The following ZNF175 variants were observed in gnomAD, a reference collection of about 807,000 sequenced individuals.
ZNF175 encodes zinc finger protein 175, also known as zinc finger protein OTK18.
Under a neutral mutation model 14.0 loss-of-function variants are expected in ZNF175, and 8 were observed. The ratio of observed to expected loss-of-function variants is 0.57; its 90% CI spans 0.34 to 1.03. The LOEUF (loss-of-function observed/expected upper bound fraction) is 1.03, where lower values mean the gene tolerates loss of function less well. Among genes scored for constraint, ZNF175 ranks in the 50% least tolerant of loss-of-function variants. The probability of loss-of-function intolerance (pLI) is 0.03; values close to 1 mark genes in which losing one functional copy is unlikely to be tolerated. For missense variants in ZNF175, 764 were observed against 849.5 expected (o/e 0.90, Z 1.25); for synonymous variants, 255 against 296.8 (o/e 0.86, Z 1.45).
rs761666697 is a variant in ZNF175, at chr19:51,573,281, A to T, written c.-49A>T. The T allele has an allele frequency of 1.8e-5, 28 of 1,596,356 alleles. No individual in the cohort carries two copies. In the South Asian group the frequency reaches 3.0e-4, roughly 17 times the overall value. On this transcript the variant is annotated 5_prime_UTR_variant, in exon 2 of 5. Transcript: ENST00000262259. ...CTATCCAGCTTCTGGCTCCTGGGAA[A>T]AGTGGAGTTGTCAGCAAGAGAGACC...
intron 2 of ZNF175, among the ~76,000 whole-genome samples, chr19:51,578,706 G>T (rs1008593129): frequency 6.6e-6 from 1 of 152,214 alleles, no homozygotes; most frequent in African/African-American, 2.4e-5. Context: ...GGTCGAGGCT[G>T]CAGTGAGCTG....
rs1491081799 is a variant in ZNF175, at chr19:51,575,208, G to GTTTTTTTTTTTTTTTTTTTTT, written c.72+1807_72+1808insTTTTTTTTTTTTTTTTTTTTT. On this transcript the variant is annotated intron_variant, in intron 2 of 4. Transcript: ENST00000262259. ...GGTTTAGCCTCCGGATTTTTAGAGA[G>GTTTTTTTTTTTTTTTTTTTTT]GTTTTTTTTTTTTTTTTTTTTTTTT... 3.0e-5 allele frequency among the ~76,000 whole-genome samples: 3 copies of GTTTTTTTTTTTTTTTTTTTTT among 99,202 alleles called. 1 individual carries two copies. Among genetic ancestry groups the GTTTTTTTTTTTTTTTTTTTTT allele is most frequent in the African/African-American group, 3.9e-5 (1 of 25,542 alleles). The allele number at this position is 99,202 out of a possible 152,430, so 65.1% of individuals were successfully genotyped here. A position where few individuals can be genotyped will look rare whatever the true frequency, so the allele number is the denominator to read the frequency against.
intron 2 of ZNF175, among the ~76,000 whole-genome samples, chr19:51,576,365 G>T (rs1024320093): frequency 6.6e-5 from 10 of 152,154 alleles, no homozygotes; most frequent in African/African-American, 2.4e-4. Context: ...GGGCAGGCTG[G>T]TCTCAAACTC....
chr19:51,586,754 T>G lies in ZNF175; in HGVS notation c.423T>G (p.Asp141Glu), dbSNP rs1261359857. The G allele has an allele frequency of 6.2e-7, 1 of 1,614,234 alleles. No individual in the cohort carries two copies. Among genetic ancestry groups the G allele is most frequent in the Non-Finnish European group, 8.5e-7 (1 of 1,180,038 alleles). The change falls in exon 5 of 5, where the codon GAT (aspartate) becomes GAG (glutamate). Residue 141 changes from aspartate (D) to glutamate (E), a missense_variant. By Grantham distance (45) the Asp-to-Glu change is conservative. Transcript: ENST00000262259. ...CCATTTTAGAAGAACTGAGGCTGGA[T>G]GCTGACCGCACAAAGAAAGATGAGC... ...WCSILEELRL[D>E]ADRTKKDEQN...
intron 2 of ZNF175, among the ~76,000 whole-genome samples, chr19:51,577,758 G>T (rs555797619): frequency 6.6e-6 from 1 of 150,376 alleles, no homozygotes; most frequent in African/African-American, 2.5e-5. Context: ...CCGCCTCCCG[G>T]GTTCACGCCA....
At position 51,587,209 on chromosome 19, in the gene ZNF175, A is replaced by G; in HGVS notation, c.878A>G (p.His293Arg). The G allele has an allele frequency of 6.2e-7, 1 of 1,614,186 alleles. No individual in the cohort carries two copies. The highest frequency in any genetic ancestry group is 8.5e-7 in the Non-Finnish European group (1 of 1,180,020). The change falls in exon 5 of 5, where the codon CAC becomes CGC. Residue 293 changes from histidine to arginine, a missense_variant. His to Arg is a conservative substitution (Grantham distance 29). Coordinates refer to ENST00000262259, the MANE Select transcript of ZNF175 (RefSeq NM_007147.4). Reference protein sequence around the residue: ...ECGGSFTQKSHLFAQQRIHSV... With the variant: ...ECGGSFTQKSRLFAQQRIHSV... ...GGGGGGAGCTTCACCCAGAAGTCAC[A>G]CCTCTTTGCCCAACAGAGAATTCAT...
At position 51,573,322 on chromosome 19, in the gene ZNF175, G is replaced by C. The variant is rs981009102; in HGVS notation, c.-8G>C. The C allele has an allele frequency of 6.2e-7, 1 of 1,613,028 alleles. No homozygotes were observed. Among genetic ancestry groups the C allele is most frequent in the African/African-American group, 1.3e-5 (1 of 74,874 alleles). On this transcript the variant is annotated 5_prime_UTR_variant, in exon 2 of 5. Coordinates refer to ENST00000262259, the MANE Select transcript of ZNF175 (RefSeq NM_007147.4). ...AAGAGAGACCGAGAGTAGAAGCCCAGAGTGGAGATGCCTGCTGATGTGAAT... is the reference window on the plus strand; with the variant it reads ...AAGAGAGACCGAGAGTAGAAGCCCACAGTGGAGATGCCTGCTGATGTGAAT...
At position 51,588,183 on chromosome 19, in the gene ZNF175, T is replaced by C; in HGVS notation, c.1852T>C (p.Tyr618His). 2 of 1,614,030 alleles carry C rather than the reference T, an allele frequency of 1.2e-6. No homozygotes were observed. The highest frequency in any genetic ancestry group is 1.7e-6 in the Non-Finnish European group (2 of 1,180,004). The change falls in exon 5 of 5, where the codon TAC becomes CAC. Residue 618 changes from tyrosine to histidine, a missense_variant. Transcript: ENST00000262259. ...CACTAGAGAGAGGCCTTTTGTCTGT[T>C]ACAAATGTGGGAAGGCTTTTGTCCA... The part of the protein sequence containing the change: ...THTRERPFVC[Y>H]KCGKAFVQKS...
chr19:51,589,691 G>A lies in ZNF175; in HGVS notation c.*1224G>A. The A allele has an allele frequency of 1.5e-6, 1 of 649,538 alleles. No homozygotes were observed. The allele number at this position is 649,538 out of a possible 1,614,324, so 40.2% of individuals were successfully genotyped here. A position where few individuals can be genotyped will look rare whatever the true frequency, so the allele number is the denominator to read the frequency against. On this transcript the variant is annotated 3_prime_UTR_variant, in exon 5 of 5. Transcript: ENST00000262259. ...ATTGGCCAAATATGGCCTCCCAACT[G>A]TTTTTTTAAAATAAAGTTTTATTGG...
intron 2 of ZNF175, among the ~76,000 whole-genome samples, chr19:51,580,719 C>T (rs772568896): frequency 6.6e-6 from 1 of 152,182 alleles, no homozygotes. Context: ...ATGACATAGT[C>T]GCCTCTTATC....
chr19:51,587,825 A>G lies in ZNF175; in HGVS notation c.1494A>G (p.Thr498=). 1 of 1,614,166 alleles carries G rather than the reference A, an allele frequency of 6.2e-7. No homozygotes were observed. ...SQLDIHHRIH[T]GEKPYECSDC... ...TTGATATACATCATCGAATTCATACAGGGGAGAAACCTTATGAATGCAGTG... is the reference window on the plus strand; with the variant it reads ...TTGATATACATCATCGAATTCATACGGGGGAGAAACCTTATGAATGCAGTG... The change falls in exon 5 of 5, where the codon ACA becomes ACG. Residue 498 remains threonine (T), a synonymous_variant. Transcript: ENST00000262259.
Position 51,591,400 on chromosome 19 carries a change from T to G in ZNF175, c.*2933T>G, listed in dbSNP as rs1982340700. On this transcript the variant is annotated 3_prime_UTR_variant, in exon 5 of 5. Transcript: ENST00000262259. ...GGTCCCAGGGAGCTATCTAAAGTTT[T>G]CAGTCACATGAGGGCATGCTCACAG... The G allele has an allele frequency of 6.6e-6, 1 of 152,216 alleles. No homozygotes were observed. Among genetic ancestry groups the G allele is most frequent in the South Asian group, 2.1e-4 (1 of 4,830 alleles). The allele number at this position is 152,216 out of a possible 1,614,324, so 9.4% of individuals were successfully genotyped here.
chr19:51,581,565 T>C, intron 3 of ZNF175, 48 bp downstream of exon 3: 1 of 1,584,060 alleles, frequency 6.3e-7, no homozygotes. Flanking sequence ...GTTGAGGAGA[T>C]TTCCTTCCTC....
Position 51,587,468 on chromosome 19 carries a change from C to G in ZNF175, c.1137C>G (p.Phe379Leu). ...CCTTTTTCCAGATGTTATCTCTCTT[C>G]AGACATCAGAGAACTCACAGTAGAG... ...GKAFFQMLSL[F>L]RHQRTHSREK... The change falls in exon 5 of 5, where the codon TTC becomes TTG. Residue 379 changes from phenylalanine (F) to leucine (L), a missense_variant. Transcript: ENST00000262259. 2 of 1,614,212 alleles carry G rather than the reference C, an allele frequency of 1.2e-6. No homozygotes were observed. The highest frequency in any genetic ancestry group is 1.7e-6 in the Non-Finnish European group (2 of 1,180,038).
chr19:51,586,650 C>G lies in ZNF175; in HGVS notation c.319C>G (p.Pro107Ala). 1 of 1,592,976 alleles carries G rather than the reference C, an allele frequency of 6.3e-7. No individual in the cohort carries two copies. Among genetic ancestry groups the G allele is most frequent in the Non-Finnish European group, 8.5e-7 (1 of 1,170,536 alleles). Residue 107 changes from proline to alanine, a missense_variant, in exon 5 of 5, where the codon CCA becomes GCA. Coordinates refer to ENST00000262259, the MANE Select transcript of ZNF175 (RefSeq NM_007147.4). Reference protein sequence around the residue: ...CQEREFGLEIPQKEISKKASF... With the variant: ...CQEREFGLEIAQKEISKKASF... Reference sequence around the variant, plus strand: ...AGAAAGGGAGTTTGGGCTTGAAATCCCACAAAAGGAGATTTCTAAGAAAGC... The same window carrying G: ...AGAAAGGGAGTTTGGGCTTGAAATCGCACAAAAGGAGATTTCTAAGAAAGC...
intron 2 of ZNF175, among the ~76,000 whole-genome samples, chr19:51,576,145 T>C (rs977482592): frequency 1.6e-5 from 2 of 122,530 alleles, no homozygotes; most frequent in East Asian, 9.8e-4. Context: ...GGACAGTTTT[T>C]TTTTTTGTTT....
chr19:51,578,463 G>C (rs956886882), intron 2 of ZNF175, among the ~76,000 whole-genome samples: 23 of 151,712 alleles, frequency 1.5e-4, no homozygotes, highest in African/African-American at 5.3e-4. Context: ...GCTGACAAAA[G>C]GTTCCTATAA....
rs1210468948 is a variant in ZNF175 at position 51,588,952 on chromosome 19, T to A, written c.*485T>A. 2.7e-6 allele frequency: 1 copy of A among 364,148 alleles called. No individual in the cohort carries two copies. The highest frequency in any genetic ancestry group is 4.8e-6 in the Non-Finnish European group (1 of 206,500). 22.6% of individuals were successfully genotyped at this position (364,148 alleles called of 1,614,324 possible). On this transcript the variant is annotated 3_prime_UTR_variant, in exon 5 of 5. Coordinates refer to ENST00000262259, the MANE Select transcript of ZNF175 (RefSeq NM_007147.4). ...TAAGCATATATATAATATATAAGCA[T>A]ATTATTATATACAGGTTGAGTATCC... is the stretch of plus-strand genomic sequence containing the variant.
chr19:51,584,795 C>T (rs35589997), intron 4 of ZNF175, among the ~76,000 whole-genome samples: 30,141 of 152,016 alleles, frequency 0.2, 3,517 homozygotes, highest in Middle Eastern at 0.33. Context: ...TATCCCTTTA[C>T]ATCCATTAGA....
Sources: gnomAD v4.1 joint callset for allele counts (sites outside exome capture counted in the v4.1 genomes callset) on GRCh38, gnomAD v4.1.1 for gene constraint, MANE v1.5 for transcripts, NCBI Gene and HGNC (gene_info 2026-07-23, HGNC 2026-07-21) for gene names.